CYREN: variants seen among roughly 807,000 people sequenced by gnomAD.
CYREN encodes the protein cell cycle regulator of non-homologous end joining.
In CYREN, 7 loss-of-function variants were observed where a neutral mutation model predicts 9.7. The ratio of observed to expected loss-of-function variants is 0.72; its 90% confidence interval spans 0.41 to 1.36. The LOEUF is 1.36. Among genes scored for constraint, CYREN ranks in the 40% most tolerant of loss-of-function variants. The probability of loss-of-function intolerance (pLI) is 0.01; values close to 1 mark genes in which losing one functional copy is unlikely to be tolerated. For synonymous variants in CYREN, 76 were observed against 77.9 expected (o/e 0.98, Z 0.13); for missense variants, 215 against 198.1 (o/e 1.09, Z -0.51).
intron 1 of CYREN, among the ~76,000 whole-genome samples, chr7:135,170,064 G>A (rs1170547231): frequency 6.6e-6 from 1 of 152,198 alleles, no homozygotes; most frequent in Non-Finnish European, 1.5e-5. Context: ...TTCACCCTGG[G>A]GTGCCTATTA....
intron 2 of CYREN, among the ~76,000 whole-genome samples, chr7:135,153,886 G>T (rs192910224): frequency 7.2e-5 from 11 of 152,272 alleles, no homozygotes; most frequent in Admixed American, 7.2e-4. Flanking sequence ...CTTTCTCCTT[G>T]ATTTTTTAAT....
rs890001515 is a variant in CYREN, at chr7:135,123,679, A to G, written n.357-29097T>C. 7.2e-5 allele frequency among the ~76,000 whole-genome samples: 11 copies of G among 152,188 alleles called. No individual in the cohort carries two copies. In the East Asian group the frequency reaches 2.1e-3, roughly 29 times the overall value. On this transcript the variant is annotated intron_variant and non_coding_transcript_variant, in intron 2 of 2. Transcript: ENST00000459937. ...TCATCTACAAAGGGAAGCCCATCAG[A>G]CTAACAGCGGCCCTCTCAGCAGAAA...
At chr7:135,152,103 A>C (rs1679823303) in intron 2 of CYREN, among the ~76,000 whole-genome samples, 2 of 152,244 alleles carry the variant, frequency 1.3e-5, no homozygotes, top group Admixed American at 1.3e-4. Context: ...AAATTACTTC[A>C]TTTAATTTCC....
At chr7:135,104,436 T>C (rs1460138281) in intron 2 of CYREN, among the ~76,000 whole-genome samples, 5 of 152,216 alleles carry the variant, frequency 3.3e-5, no homozygotes, top group Admixed American at 1.3e-4. Flanking sequence ...TTGCTTTGGA[T>C]ATATACCCAG....
At chr7:135,134,879 GCAC>G (rs1294132140) in intron 2 of CYREN, 2 of 1,550,740 alleles carry the variant, frequency 1.3e-6, no homozygotes, top group Admixed American at 2.0e-5. Context: ...AAGAAATACA[GCAC>G]ATCTTGGACA....
chr7:135,118,207 C>A (rs755088783), intron 2 of CYREN, among the ~76,000 whole-genome samples: 1 of 152,058 alleles, frequency 6.6e-6, no homozygotes, highest in African/African-American at 2.4e-5. Context: ...TTACTTGTAA[C>A]CAAAGAGGTC....
At chr7:135,139,364 G>A (rs1195040038) in intron 2 of CYREN, among the ~76,000 whole-genome samples, 2 of 151,056 alleles carry the variant, frequency 1.3e-5, no homozygotes, top group Non-Finnish European at 3.0e-5. Context: ...TCATATGCTT[G>A]TTGGCCATGT....
chr7:135,128,885 A>G (rs1396055825), intron 2 of CYREN: 4 of 1,374,742 alleles, frequency 2.9e-6, no homozygotes, highest in South Asian at 2.3e-5. Flanking sequence ...ACTTTGATCA[A>G]GCTCAGCAGA....
At chr7:135,138,094 C>G (rs922120320) in intron 2 of CYREN, among the ~76,000 whole-genome samples, 3 of 151,776 alleles carry the variant, frequency 2.0e-5, no homozygotes, top group Non-Finnish European at 2.9e-5. Flanking sequence ...AATTGTCCTC[C>G]AAAAGTGAAA....
rs551786496 is a variant in CYREN at position 135,167,632 on chromosome 7, C to T, written c.213+100G>A. 3.1e-4 allele frequency: 480 copies of T among 1,545,290 alleles called. No homozygotes were observed. In the South Asian group the frequency reaches 5.7e-3, roughly 18 times the overall value. On this transcript the variant is annotated intron_variant, in intron 3 of 3. Transcript: ENST00000393114. ...AAGTGGCAGGAGGAAGAAGAGGTAG[C>T]CTACGGCAGAGGGCGTCTCTCTTAC...
intron 3 of CYREN, chr7:135,167,244 G>C: frequency 9.1e-7 from 1 of 1,094,992 alleles, no homozygotes; most frequent in Non-Finnish European, 1.1e-6. Context: ...CAGGGTTATT[G>C]CAAGGCTAAA....
intron 2 of CYREN, among the ~76,000 whole-genome samples, chr7:135,097,185 G>A (rs551360138): frequency 6.6e-6 from 1 of 152,180 alleles, no homozygotes; most frequent in East Asian, 1.9e-4. Flanking sequence ...TGGTTCAAAG[G>A]TTACGACTAA....
rs755260090 is a variant in CYREN at position 135,166,724 on chromosome 7, C to CT, written c.360dup (p.Gly121ArgfsTer16). 16 of 1,613,808 alleles carry CT rather than the reference C, an allele frequency of 9.9e-6. No homozygotes were observed. The highest frequency in any genetic ancestry group is 1.7e-5 in the Admixed American group (1 of 60,014). On this transcript the variant is annotated frameshift_variant, in exon 4 of 4. Transcript: ENST00000393114. LOFTEE classifies it low-confidence loss of function (END_TRUNC). The stretch of plus-strand genomic sequence containing the variant: ...CCCGGCCTCTGGGAAGGGCTGAGGC[C>CT]TGGAGCCAGTGCCTGTTTCCCACTG...
intron 2 of CYREN, among the ~76,000 whole-genome samples, chr7:135,122,966 A>G (rs913176979): frequency 6.6e-6 from 1 of 152,112 alleles, no homozygotes; most frequent in Admixed American, 6.5e-5. Flanking sequence ...CTGAAAACCC[A>G]AAAGGCCAGA....
chr7:135,163,149 T>C (rs117735297), downstream of CYREN, among the ~76,000 whole-genome samples: 381 of 152,334 alleles, frequency 2.5e-3, 1 homozygote, highest in Non-Finnish European at 3.7e-3. Context: ...ACATGAACTA[T>C]TGCACAGCCA....
chr7:135,141,790 T>C (rs568270797), intron 2 of CYREN, among the ~76,000 whole-genome samples: 1 of 152,310 alleles, frequency 6.6e-6, no homozygotes, highest in South Asian at 2.1e-4. Context: ...GATTTCTGCC[T>C]TAATTTCATT....
intron 2 of CYREN, chr7:135,135,376 T>G (rs1319620533): frequency 6.9e-6 from 6 of 863,848 alleles, no homozygotes; most frequent in Admixed American, 7.3e-5. Flanking sequence ...CCCTTACACA[T>G]GCATATGCAT....
Position 135,169,068 on chromosome 7 carries a change from GAAC to G in CYREN, c.-138-11_-138-9del, listed in dbSNP as rs1830451679. Reference sequence around the variant, plus strand: ...GGAGTTGATCTTTGATTCCTACAAAGAACAATAAAGTCCGGTGAATTCCCATAC... The same window carrying G: ...GGAGTTGATCTTTGATTCCTACAAAGAATAAAGTCCGGTGAATTCCCATAC... On this transcript the variant is annotated splice_polypyrimidine_tract_variant and intron_variant, in intron 1 of 3. Coordinates refer to ENST00000393114, the MANE Select transcript of CYREN (RefSeq NM_024033.4). 2.6e-6 allele frequency: 2 copies of G among 755,730 alleles called. No homozygotes were observed. Among genetic ancestry groups the G allele is most frequent in the Non-Finnish European group, 2.1e-6 (1 of 481,676 alleles). 46.8% of individuals were successfully genotyped at this position (755,730 alleles called of 1,614,324 possible).
intron 2 of CYREN, chr7:135,129,280 C>T: frequency 6.6e-7 from 1 of 1,513,752 alleles, no homozygotes; most frequent in Non-Finnish European, 9.2e-7. Flanking sequence ...GCCTTCTGTA[C>T]CTTGTGCAGG....
Sources: allele counts gnomAD v4.1 joint callset (sites outside exome capture counted in the v4.1 genomes callset), GRCh38; gene constraint gnomAD v4.1.1; transcripts MANE v1.5; gene names NCBI Gene and HGNC (gene_info 2026-07-23, HGNC 2026-07-21).